The following TNXB variants were observed in gnomAD, a reference collection of about 807,000 sequenced individuals.
The protein encoded by TNXB is tenascin-X.
TNXB carries 183 observed loss-of-function variants against 340.5 expected under a neutral mutation model. The ratio of observed to expected loss-of-function variants is 0.54; its 90% CI spans 0.48 to 0.61. TNXB has a LOEUF of 0.61. TNXB is among the 20% of genes least tolerant of loss of function. The pLI, the probability that TNXB is intolerant of heterozygous loss-of-function variation, is 0.00. For missense variants in TNXB, 4,613 were observed against 5,446.4 expected (o/e 0.85, Z 4.82); for synonymous variants, 2,121 against 2,314.5 (o/e 0.92, Z 2.40).
rs1776703289 is a variant in TNXB, at chr6:32,044,560, C to G, written c.11084G>C (p.Ser3695Thr). ...TGGACGCGGATGCGGCTCCAGAGTG[C>G]TTGGTGATGGAACCCCAAAGCGGAG... ...FLLRFGVPSP[S>T]TLEPHPRPLL... The change falls in exon 33 of 44, where the codon AGC becomes ACC. Residue 3695 changes from serine (S) to threonine (T), a missense_variant. Physicochemically the swap from Ser to Thr is moderately conservative, Grantham distance 58. Around this residue, in one of 7 missense-constraint regions of TNXB, gnomAD observed 14 missense variants for 56.1 expected, o/e 0.25. Coordinates refer to ENST00000644971, the MANE Select transcript of TNXB (RefSeq NM_001365276.2). 1 of 417,050 alleles carries G rather than the reference C, an allele frequency of 2.4e-6. No homozygotes were observed. Among genetic ancestry groups the G allele is most frequent in the Non-Finnish European group, 4.0e-6 (1 of 248,668 alleles). The allele number at this position is 417,050 out of a possible 1,614,324, so 25.8% of individuals were successfully genotyped here.
At chr6:32,066,234 A>G (rs905144793) in intron 18 of TNXB, among the ~76,000 whole-genome samples, 1 of 152,088 alleles carries the variant, frequency 6.6e-6, no homozygotes, top group African/African-American at 2.4e-5. Context: ...TCTACAAAAA[A>G]TTTTTTTAAA....
In TNXB at chr6:32,051,640, T is replaced by C. The variant is rs1777288430; in HGVS notation, c.9115+1030A>G. 6.6e-6 allele frequency among the ~76,000 whole-genome samples: 1 copy of C among 152,092 alleles called. No homozygotes were observed. Reference sequence around the variant, plus strand: ...AAGTTCTGGCCAGGTGCAGTGGCTCTTGCCTATAATCCCAGCACTTTGGGA... The same window carrying C: ...AAGTTCTGGCCAGGTGCAGTGGCTCCTGCCTATAATCCCAGCACTTTGGGA... On this transcript the variant is annotated intron_variant, in intron 26 of 43. Transcript: ENST00000644971. This position sits in a 1 kb window ranked among gnomAD's most constrained non-coding sequence, Gnocchi z 4.7.
chr6:32,096,553 C>G lies in TNXB; in HGVS notation c.1300G>C (p.Ala434Pro), dbSNP rs1028680543. ...CGACCTCTACAGTCGCGTGGGCAGGCGCGCGAGCCGCAATCGGTTCCAGTG... is the reference window on the plus strand; with the variant it reads ...CGACCTCTACAGTCGCGTGGGCAGGGGCGCGAGCCGCAATCGGTTCCAGTG... The part of the protein sequence containing the change: ...GYTGTDCGSR[A>P]CPRDCRGRGR... Residue 434 changes from alanine to proline, a missense_variant, in exon 3 of 44, where the codon GCC (alanine) becomes CCC (proline). Transcript: ENST00000644971. 1.3e-6 allele frequency: 2 copies of G among 1,547,866 alleles called. No homozygotes were observed. Among genetic ancestry groups the G allele is most frequent in the African/African-American group, 2.8e-5 (2 of 71,980 alleles).
intron 25 of TNXB, 93 bp from the exon 26 acceptor site, chr6:32,053,086 G>T: frequency 7.4e-7 from 1 of 1,352,292 alleles, no homozygotes; most frequent in Non-Finnish European, 1.0e-6. Context: ...GCCATGAGTG[G>T]GGGTCCTGGG....
At chr6:32,077,983 C>T (rs1002876626) in intron 11 of TNXB, among the ~76,000 whole-genome samples, 3 of 150,302 alleles carry the variant, frequency 2.0e-5, no homozygotes, top group African/African-American at 7.4e-5. Flanking sequence ...GCCAAGATTG[C>T]ACCACTGCAT....
intron 1 of TNXB, among the ~76,000 whole-genome samples, chr6:32,102,458 C>T (rs763044521): frequency 1.3e-5 from 2 of 152,126 alleles, no homozygotes; most frequent in Non-Finnish European, 2.9e-5. Context: ...ATAAAAAACA[C>T]CCTATTGCTA....
In TNXB at chr6:32,084,807, T is replaced by G. The variant is rs1182348933; in HGVS notation, c.3149-98A>C. ...CCTGCCCACCTCACTCCATCCTGGA[T>G]AGATCCCTCCCCGGAAGACTCTATC... is the stretch of plus-strand genomic sequence containing the variant. On this transcript the variant is annotated intron_variant, in intron 7 of 43. Transcript: ENST00000644971. The surrounding 1 kb of genome is among the most constrained non-coding windows in gnomAD (Gnocchi z 5.5). 8.6e-7 allele frequency: 1 copy of G among 1,161,800 alleles called. No homozygotes were observed. Among genetic ancestry groups the G allele is most frequent in the Non-Finnish European group, 1.2e-6 (1 of 859,794 alleles). 72.0% of individuals were successfully genotyped at this position (1,161,800 alleles called of 1,614,324 possible).
chr6:32,046,876 T>C lies in TNXB; in HGVS notation c.10325-420A>G, dbSNP rs1001934918. Among the ~76,000 whole-genome samples, 1 of 152,196 alleles carries C rather than the reference T, an allele frequency of 6.6e-6. No homozygotes were observed. Among genetic ancestry groups the C allele is most frequent in the Non-Finnish European group, 1.5e-5 (1 of 68,026 alleles). On this transcript the variant is annotated intron_variant, in intron 30 of 43. Transcript: ENST00000644971. This position sits in a 1 kb window ranked among gnomAD's most constrained non-coding sequence, Gnocchi z 6.9. ...AGACACCCCAAACATCGAGAGCTGGTCTGGGCAGCCGGCCAATGCACGGCT... is the reference window on the plus strand; with the variant it reads ...AGACACCCCAAACATCGAGAGCTGGCCTGGGCAGCCGGCCAATGCACGGCT...
rs771615297 is a variant in TNXB at position 32,047,948 on chromosome 6, G to A, written c.10110C>T (p.Ser3370=). Residue 3370 remains serine, a synonymous_variant, in exon 30 of 44, where the codon TCC becomes TCT. Transcript: ENST00000644971. The surrounding 1 kb of genome is among the most constrained non-coding windows in gnomAD (Gnocchi z 6.2). ...ELTVTDATPD[S]VGLSWTVPEG... ...CAGGGACCGTCCACGAGAGGCCCAC[G>A]GAGTCAGGGGTCGCATCTGTCACAG... 12 of 1,611,976 alleles carry A rather than the reference G, an allele frequency of 7.4e-6. No individual in the cohort carries two copies. The highest frequency in any genetic ancestry group is 5.0e-5 in the Admixed American group (3 of 60,004).
At chr6:32,057,881 G>A (rs1246978112) in intron 22 of TNXB, among the ~76,000 whole-genome samples, 177 bp downstream of exon 22, 1 of 152,102 alleles carries the variant, frequency 6.6e-6, no homozygotes, top group Admixed American at 6.5e-5. Flanking sequence ...ATGCTCACCC[G>A]CCTTTGCTTC....
In TNXB at chr6:32,090,900, G is replaced by A. The variant is rs533501829; in HGVS notation, c.2359-1521C>T. 6.6e-5 allele frequency among the ~76,000 whole-genome samples: 10 copies of A among 152,076 alleles called. No homozygotes were observed. Among genetic ancestry groups the A allele is most frequent in the Non-Finnish European group, 1.0e-4 (7 of 67,986 alleles). ...CCACACCCACCCCATCCCCACAGCC[G>A]CAATACACACACCTTGGATGCTCCC... On this transcript the variant is annotated intron_variant, in intron 4 of 43. Coordinates refer to ENST00000644971, the MANE Select transcript of TNXB (RefSeq NM_001365276.2). This position sits in a 1 kb window ranked among gnomAD's most constrained non-coding sequence, Gnocchi z 4.3.
intron 4 of TNXB, among the ~76,000 whole-genome samples, chr6:32,093,835 A>T (rs1780189855): frequency 6.6e-6 from 1 of 152,106 alleles, no homozygotes; most frequent in East Asian, 1.9e-4. Context: ...CATGCCTGTA[A>T]TCCCAGCACT....
In TNXB at chr6:32,068,628, G is replaced by T; in HGVS notation, c.5982C>A (p.Thr1994=). ...GGGAGTCAGGGGTGGCATCTGTCAC[G>T]GTCAGCTCCCCCAGGCGAGGCTTGA... ...PPIKPRLGEL[T]VTDATPDSLS... is the part of the protein sequence containing the mutation. Residue 1994 remains threonine, a synonymous_variant, in exon 17 of 44, where the codon ACC becomes ACA. Coordinates refer to ENST00000644971, the MANE Select transcript of TNXB (RefSeq NM_001365276.2). This position sits in a 1 kb window ranked among gnomAD's most constrained non-coding sequence, Gnocchi z 5.3. 2 of 1,613,872 alleles carry T rather than the reference G, an allele frequency of 1.2e-6. No individual in the cohort carries two copies. Among genetic ancestry groups the T allele is most frequent in the Middle Eastern group, 3.3e-4 (2 of 6,062 alleles).
rs1778612294 is a variant in TNXB, at chr6:32,069,367, TG to T, written c.5587+185del. On this transcript the variant is annotated intron_variant, in intron 15 of 43. Coordinates refer to ENST00000644971, the MANE Select transcript of TNXB (RefSeq NM_001365276.2). The surrounding 1 kb of genome is among the most constrained non-coding windows in gnomAD (Gnocchi z 6.2). ...GAGAGTCAAAATGCTGTCTCCAGGA[TG>T]ATCGAAAGCAGACAGTGGTTGCTGG... Among the ~76,000 whole-genome samples the T allele has an allele frequency of 6.6e-6, 1 of 152,240 alleles. No individual in the cohort carries two copies. Among genetic ancestry groups the T allele is most frequent in the East Asian group, 1.9e-4 (1 of 5,204 alleles).
At chr6:32,076,571 A>C (rs1194257987) in intron 11 of TNXB, among the ~76,000 whole-genome samples, 2 of 152,274 alleles carry the variant, frequency 1.3e-5, no homozygotes, top group Non-Finnish European at 2.9e-5. Flanking sequence ...GAATGAGCTG[A>C]GAAGATGCCA....
Position 32,065,004 on chromosome 6 carries a change from G to T in TNXB, c.6658C>A (p.Gln2220Lys). The part of the protein sequence containing the change: ...LSLSWTVPEG[Q>K]FDHFLVQFKN... ...AACTGGACCAAGAAATGGTCAAACTGGCCCTCGGGGACTGTCCAGGAGAGG... is the reference window on the plus strand; with the variant it reads ...AACTGGACCAAGAAATGGTCAAACTTGCCCTCGGGGACTGTCCAGGAGAGG... Residue 2220 changes from glutamine (Q) to lysine (K), a missense_variant, in exon 19 of 44, where the codon CAG (glutamine) becomes AAG (lysine). Gln to Lys is a moderately conservative substitution (Grantham distance 53, BLOSUM62 1). Coordinates refer to ENST00000644971, the MANE Select transcript of TNXB (RefSeq NM_001365276.2). 1 of 1,612,074 alleles carries T rather than the reference G, an allele frequency of 6.2e-7. No individual in the cohort carries two copies. Among genetic ancestry groups the T allele is most frequent in the East Asian group, 2.2e-5 (1 of 44,872 alleles).
intron 26 of TNXB, among the ~76,000 whole-genome samples, chr6:32,050,600 G>A (rs1333365774): frequency 1.3e-5 from 2 of 150,240 alleles, no homozygotes; most frequent in African/African-American, 4.9e-5. Flanking sequence ...CTTGGCCTCT[G>A]CACCCTTACC....
At chr6:32,105,251 C>A (rs909415213) in intron 1 of TNXB, among the ~76,000 whole-genome samples, 10 of 152,168 alleles carry the variant, frequency 6.6e-5, no homozygotes, top group African/African-American at 9.7e-5. Flanking sequence ...TCCTTCAGGT[C>A]TCAGCCCGCC....
intron 13 of TNXB, among the ~76,000 whole-genome samples, chr6:32,071,389 T>C (rs538585492): frequency 6.6e-4 from 101 of 152,122 alleles, no homozygotes; most frequent in African/African-American, 2.1e-3. Flanking sequence ...GAAGGGTTCC[T>C]GGCTCCCCTC....
Sources: allele counts gnomAD v4.1 joint callset (sites outside exome capture counted in the v4.1 genomes callset), GRCh38; gene constraint gnomAD v4.1.1; regional missense constraint gnomAD v4.1.1; non-coding constraint Gnocchi (gnomAD v3.1); transcripts MANE v1.5; gene names NCBI Gene and HGNC (gene_info 2026-07-23, HGNC 2026-07-21).